MBNL1: variants seen among roughly 807,000 people sequenced by gnomAD.
MBNL1 encodes muscleblind-like protein 1.
In MBNL1, 8 loss-of-function variants were observed where a neutral mutation model predicts 42.2. The observed-to-expected ratio is 0.19, with a 90% CI of 0.11 to 0.34. The LOEUF (loss-of-function observed/expected upper bound fraction) is 0.34. MBNL1 is among the 10% of genes least tolerant of loss of function. The probability of loss-of-function intolerance (pLI) is 1.00; values close to 1 mark genes in which losing one functional copy is unlikely to be tolerated. For synonymous variants in MBNL1, 169 were observed against 173.9 expected (o/e 0.97, Z 0.22); for missense variants, 309 against 495.3 (o/e 0.62, Z 3.57).
intron 8 of MBNL1, chr3:152,458,801 TTTATAA>T (rs2153969285): frequency 6.6e-6 from 1 of 152,624 alleles, no homozygotes; most frequent in African/African-American, 2.4e-5. Context: ...GAATTACTGC[TTTATAA>T]TTCTTACCTG....
intron 2 of MBNL1, among the ~76,000 whole-genome samples, chr3:152,258,982 C>A (rs1273012866): frequency 6.6e-6 from 1 of 152,146 alleles, no homozygotes; most frequent in Non-Finnish European, 1.5e-5. Context: ...TTCAGACGAG[C>A]CTTCCAGAGC....
chr3:152,387,241 ATTTT>A (rs35150728), intron 2 of MBNL1, among the ~76,000 whole-genome samples: 4 of 136,266 alleles, frequency 2.9e-5, no homozygotes, highest in Non-Finnish European at 3.2e-5. Context: ...CAGTCTGTGT[ATTTT>A]TTTTTTTTTT....
chr3:152,268,687 G>C (rs1458134347), upstream of MBNL1: 3 of 442,114 alleles, frequency 6.8e-6, no homozygotes, highest in African/African-American at 6.1e-5. Context: ...GGCGCCGCTG[G>C]GCGACCGCCC....
chr3:152,367,790 C>T (rs1408024877), intron 2 of MBNL1, among the ~76,000 whole-genome samples: 1 of 152,182 alleles, frequency 6.6e-6, no homozygotes, highest in Non-Finnish European at 1.5e-5. Flanking sequence ...TGGTGATGAG[C>T]ATTTTTTCAT....
intron 2 of MBNL1, among the ~76,000 whole-genome samples, chr3:152,359,865 A>G (rs2095811139): frequency 1.3e-5 from 2 of 152,330 alleles, no homozygotes; most frequent in Non-Finnish European, 2.9e-5. Context: ...TATGGTGCCT[A>G]TCTTTTCTTC....
chr3:152,454,612 T>C (rs1730042384), intron 6 of MBNL1, among the ~76,000 whole-genome samples: 1 of 152,220 alleles, frequency 6.6e-6, no homozygotes, highest in Non-Finnish European at 1.5e-5. Flanking sequence ...ACATTTATTT[T>C]TGCTTATCAT....
At chr3:152,324,062 T>C (rs985017470) in intron 2 of MBNL1, among the ~76,000 whole-genome samples, 2 of 152,176 alleles carry the variant, frequency 1.3e-5, no homozygotes, top group Non-Finnish European at 2.9e-5. Flanking sequence ...ATTTTCAACT[T>C]CTCTAGTTGG....
intron 2 of MBNL1, among the ~76,000 whole-genome samples, chr3:152,355,959 C>T (rs1000013288): frequency 7.2e-5 from 11 of 152,232 alleles, no homozygotes; most frequent in East Asian, 1.9e-4. Context: ...GAGTGGCCAG[C>T]GTGGCCTTAT....
intron 2 of MBNL1, among the ~76,000 whole-genome samples, chr3:152,257,754 G>T (rs1323377272): frequency 1.3e-5 from 2 of 152,152 alleles, no homozygotes; most frequent in African/African-American, 4.8e-5. Context: ...TAAGCAAGAA[G>T]ACAACTAAAT....
intron 2 of MBNL1, among the ~76,000 whole-genome samples, chr3:152,315,544 A>G (rs1238219277): frequency 6.6e-6 from 1 of 152,198 alleles, no homozygotes; most frequent in East Asian, 1.9e-4. Flanking sequence ...TGATAAAAAA[A>G]TTTCCATGTA....
intron 2 of MBNL1, chr3:152,300,885 G>GAGCCC (rs1486730600): frequency 2.1e-6 from 2 of 963,830 alleles, no homozygotes; most frequent in African/African-American, 3.5e-5. Context: ...TTTCAGGCCA[G>GAGCCC]AGCCACGCAT....
upstream of MBNL1, chr3:152,267,328 C>A (rs1196030592): frequency 6.6e-6 from 1 of 152,534 alleles, no homozygotes; most frequent in African/African-American, 2.4e-5. Flanking sequence ...CCTTCCTTTG[C>A]CATCCTCAGA....
intron 2 of MBNL1, among the ~76,000 whole-genome samples, chr3:152,322,175 T>C (rs2076860171): frequency 6.6e-6 from 1 of 152,142 alleles, no homozygotes; most frequent in Non-Finnish European, 1.5e-5. Flanking sequence ...TCTAACTCCA[T>C]GTTCCCTGTC....
Position 152,401,578 on chromosome 3 carries a change from A to C in MBNL1, c.175-13363A>C, listed in dbSNP as rs531717332. On this transcript the variant is annotated intron_variant, in intron 2 of 9. Coordinates refer to ENST00000324210, the MANE Select transcript of MBNL1 (RefSeq NM_021038.5). ...TCCCAAGTGAAGGTACGGCTTGGGC[A>C]GGGAGTTTTGAGTACCTGCATAAGG... Among the ~76,000 whole-genome samples, 33 of 152,256 alleles carry C rather than the reference A, an allele frequency of 2.2e-4. No individual in the cohort carries two copies. In the South Asian group the frequency reaches 6.4e-3, roughly 30 times the overall value.
At chr3:152,336,247 A>G (rs1005371899) in intron 2 of MBNL1, among the ~76,000 whole-genome samples, 8 of 150,686 alleles carry the variant, frequency 5.3e-5, no homozygotes, top group African/African-American at 1.9e-4. Context: ...CTTCTCTTCC[A>G]CTTTTTTGGG....
intron 2 of MBNL1, among the ~76,000 whole-genome samples, chr3:152,331,055 T>C (rs1472564262): frequency 6.6e-6 from 1 of 152,034 alleles, no homozygotes; most frequent in Admixed American, 6.6e-5. Context: ...GAACACCAAA[T>C]ACTGATTAAA....
intron 2 of MBNL1, chr3:152,340,538 T>C (rs763202551): frequency 3.1e-6 from 5 of 1,597,538 alleles, no homozygotes; most frequent in East Asian, 2.2e-5. Flanking sequence ...TAATTCTTCA[T>C]GAGTCCAAGC....
chr3:152,297,869 T>C (rs2059317812), intron 1 of MBNL1, among the ~76,000 whole-genome samples: 1 of 152,126 alleles, frequency 6.6e-6, no homozygotes, highest in African/African-American at 2.4e-5. Flanking sequence ...TTGGCCAGGC[T>C]GGTCTTGAAC....
At chr3:152,381,147 A>G (rs2097163806) in intron 2 of MBNL1, among the ~76,000 whole-genome samples, 1 of 152,098 alleles carries the variant, frequency 6.6e-6, no homozygotes, top group Admixed American at 6.6e-5. Context: ...TCATTTATAT[A>G]AAAGGCAGCT....
Sources: allele counts gnomAD v4.1 joint callset (sites outside exome capture counted in the v4.1 genomes callset), GRCh38; gene constraint gnomAD v4.1.1; transcripts MANE v1.5; gene names NCBI Gene and HGNC (gene_info 2026-07-23, HGNC 2026-07-21).